Variants in CSTF1 observed in about 807,000 individuals in gnomAD.
The protein encoded by CSTF1 is CF-1 50 kDa subunit.
Under a neutral mutation model 40.9 loss-of-function variants are expected in CSTF1, and 2 were observed. The ratio of observed to expected loss-of-function variants is 0.05; its 90% CI spans 0.02 to 0.15. The LOEUF is 0.15. CSTF1 is among the 10% of genes least tolerant of loss of function. The probability of loss-of-function intolerance (pLI) is 1.00; values close to 1 mark genes in which losing one functional copy is unlikely to be tolerated. For synonymous variants in CSTF1, 218 were observed against 207.2 expected, an observed-to-expected ratio of 1.05 and a Z score of -0.45; for missense variants, 279 against 558.9, an observed-to-expected ratio of 0.50 and a Z score of 5.05.
rs1192431731 is a variant in CSTF1, at chr20:56,395,081, A to C, written c.-32-440A>C. 2.0e-5 allele frequency among the ~76,000 whole-genome samples: 3 copies of C among 152,244 alleles called. No individual in the cohort carries two copies. In the East Asian group the frequency reaches 5.8e-4, roughly 29 times the overall value. Reference sequence around the variant, plus strand: ...TAAAAGATTAGTAAACATACAGCTCAGCTAGTGGAACCAGCAGTCTAGATC... The same window carrying C: ...TAAAAGATTAGTAAACATACAGCTCCGCTAGTGGAACCAGCAGTCTAGATC... On this transcript the variant is annotated intron_variant, in intron 1 of 5. Coordinates refer to ENST00000217109, the MANE Select transcript of CSTF1 (RefSeq NM_001324.3).
Position 56,397,553 on chromosome 20 carries a change from T to G in CSTF1, c.447+69T>G. ...CATTTTTGGAAAAATGAGAGTATGGTTGAAACCAGCTTTAGTTTGCTACAG... is the reference window on the plus strand; with the variant it reads ...CATTTTTGGAAAAATGAGAGTATGGGTGAAACCAGCTTTAGTTTGCTACAG... On this transcript the variant is annotated intron_variant, in intron 3 of 5. Coordinates refer to ENST00000217109, the MANE Select transcript of CSTF1 (RefSeq NM_001324.3). The surrounding 1 kb of genome is among the most constrained non-coding windows in gnomAD (Gnocchi z 4.4). 1 of 1,600,396 alleles carries G rather than the reference T, an allele frequency of 6.2e-7. No homozygotes were observed. The highest frequency in any genetic ancestry group is 8.5e-7 in the Non-Finnish European group (1 of 1,169,986).
chr20:56,404,323 CAG>C lies in CSTF1; in HGVS notation c.*597_*598del, dbSNP rs771516386. The C allele has an allele frequency of 2.6e-5, 4 of 152,468 alleles. No homozygotes were observed. Among genetic ancestry groups the C allele is most frequent in the Non-Finnish European group, 5.9e-5 (4 of 68,168 alleles). The allele number at this position is 152,468 out of a possible 1,614,324, so 9.4% of individuals were successfully genotyped here. ...AGTTTTTCCTGACAATTTATAGGAACAGTATCTTTCAACATACTCCCTACATT... is the reference window on the plus strand; with the variant it reads ...AGTTTTTCCTGACAATTTATAGGAACTATCTTTCAACATACTCCCTACATT... On this transcript the variant is annotated 3_prime_UTR_variant, in exon 6 of 6. Transcript: ENST00000217109.
In CSTF1 at chr20:56,393,058, T is replaced by C. The variant is rs547857026; in HGVS notation, c.-33+345T>C. On this transcript the variant is annotated intron_variant, in intron 1 of 5. Coordinates refer to ENST00000217109, the MANE Select transcript of CSTF1 (RefSeq NM_001324.3). ...TGCAAATTGGGGATAATTAGGCTTC[T>C]GTTTACCTGGCGAGTGAACGTTCTG... 3.3e-5 allele frequency among the ~76,000 whole-genome samples: 5 copies of C among 152,254 alleles called. No homozygotes were observed. The South Asian group carries it at 6.2e-4, about 19-fold the overall frequency.
At chr20:56,398,714 A>G (rs1978332972) in intron 4 of CSTF1, among the ~76,000 whole-genome samples, 2 of 152,250 alleles carry the variant, frequency 1.3e-5, no homozygotes, top group African/African-American at 4.8e-5. Context: ...TAGTTTACTC[A>G]GTGTTCATTT....
At position 56,406,303 on chromosome 20, in the gene CSTF1, C is replaced by T. The variant is rs752230803; in HGVS notation, c.*2576C>T. The stretch of plus-strand genomic sequence containing the variant: ...TCTGGTCAGGATACGAACTTATACC[C>T]TCTGTGTGTTTTTTTTTTTTAAGAT... On this transcript the variant is annotated 3_prime_UTR_variant, in exon 6 of 6. Coordinates refer to ENST00000217109, the MANE Select transcript of CSTF1 (RefSeq NM_001324.3). 5.3e-5 allele frequency: 8 copies of T among 151,692 alleles called. No homozygotes were observed. Among genetic ancestry groups the T allele is most frequent in the Non-Finnish European group, 7.4e-5 (5 of 67,984 alleles). 9.4% of individuals were successfully genotyped at this position (151,692 alleles called of 1,614,324 possible). A position where few individuals can be genotyped will look rare whatever the true frequency, so the allele number is the denominator to read the frequency against.
chr20:56,402,498 T>C (rs1163099195), intron 5 of CSTF1, among the ~76,000 whole-genome samples: 1 of 152,220 alleles, frequency 6.6e-6, no homozygotes, highest in Non-Finnish European at 1.5e-5. Context: ...AAAGGCTTCC[T>C]TTTGGAAAGT....
chr20:56,393,645 T>TGGGGGCG (rs1600726846), intron 1 of CSTF1, among the ~76,000 whole-genome samples: 1 of 101,544 alleles, frequency 9.8e-6, no homozygotes, highest in African/African-American at 3.9e-5. Context: ...AATAGAGAAT[T>TGGGGGCG]GGGGGCGGGG....
At chr20:56,400,872 C>T (rs1050738920) in intron 5 of CSTF1, among the ~76,000 whole-genome samples, 5 of 152,050 alleles carry the variant, frequency 3.3e-5, no homozygotes, top group Admixed American at 2.6e-4. Flanking sequence ...AACCCCGTCT[C>T]TATGAAAAAT....
intron 5 of CSTF1, among the ~76,000 whole-genome samples, chr20:56,403,018 A>T (rs1978532644): frequency 6.6e-6 from 1 of 151,800 alleles, no homozygotes; most frequent in African/African-American, 2.4e-5. Context: ...CATCTAGTAA[A>T]AAACATGGAA....
rs1465529030 is a variant in CSTF1, at chr20:56,403,638, A to G, written c.1207A>G (p.Ile403Val). The change falls in exon 6 of 6, where the codon ATA becomes GTA. Residue 403 changes from isoleucine (I) to valine (V), a missense_variant. Ile to Val is a conservative substitution (Grantham distance 29, BLOSUM62 3). Around this residue, in one of 4 missense-constraint regions of CSTF1, gnomAD observed 162 missense variants for 337.1 expected, o/e 0.48. Transcript: ENST00000217109. Reference protein sequence around the residue: ...SLGHNNIVRCIVHSPTNPGFM... With the variant: ...SLGHNNIVRCVVHSPTNPGFM... ...GGGGCACAACAATATTGTACGCTGC[A>G]TAGTGCACTCCCCCACCAACCCCGG... The G allele has an allele frequency of 3.7e-6, 6 of 1,614,022 alleles. No homozygotes were observed. The highest frequency in any genetic ancestry group is 5.1e-6 in the Non-Finnish European group (6 of 1,180,034).
chr20:56,402,318 AAAAAG>A (rs1569119924), intron 5 of CSTF1, among the ~76,000 whole-genome samples: 3 of 151,580 alleles, frequency 2.0e-5, no homozygotes, highest in African/African-American at 4.9e-5. Context: ...AAAAAAAAAA[AAAAAG>A]AGAGAATTTA....
chr20:56,395,953 A>G (rs1051564277), intron 2 of CSTF1: 2 of 445,774 alleles, frequency 4.5e-6, no homozygotes. Context: ...CTTTGTACAC[A>G]TTATCTGGAA....
intron 5 of CSTF1, among the ~76,000 whole-genome samples, chr20:56,401,432 T>TA (rs1978448487): frequency 6.6e-6 from 1 of 152,244 alleles, no homozygotes. Context: ...CTACTATTGA[T>TA]AGAGATTTCG....
chr20:56,395,669 G>T lies in CSTF1; in HGVS notation c.117G>T (p.Lys39Asn), dbSNP rs1249812383. ...SIANGLINEI[K>N]PQSVCAPSEQ... Reference sequence around the variant, plus strand: ...CCAATGGCCTCATCAATGAAATCAAGCCTCAGTCTGTGTGTGCACCCTCGG... The same window carrying T: ...CCAATGGCCTCATCAATGAAATCAATCCTCAGTCTGTGTGTGCACCCTCGG... Residue 39 changes from lysine (K) to asparagine (N), a missense_variant, in exon 2 of 6, where the codon AAG becomes AAT. This residue lies in a region of CSTF1 where 51 missense variants were observed against 55.0 expected (regional missense o/e 0.93). Transcript: ENST00000217109. 3.1e-6 allele frequency: 5 copies of T among 1,614,144 alleles called. No homozygotes were observed. The highest frequency in any genetic ancestry group is 4.2e-6 in the Non-Finnish European group (5 of 1,180,016).
chr20:56,398,891 C>T (rs998920020), intron 4 of CSTF1, 76 bp from the exon 5 acceptor site: 1 of 1,318,490 alleles, frequency 7.6e-7, no homozygotes, highest in Non-Finnish European at 1.0e-6. Flanking sequence ...TTTCATCAGC[C>T]AGATATTTTC....
intron 1 of CSTF1, among the ~76,000 whole-genome samples, chr20:56,394,846 G>GT (rs11478528): frequency 1.0e-4 from 15 of 150,382 alleles, no homozygotes; most frequent in South Asian, 8.4e-4. Flanking sequence ...GATTATTACT[G>GT]TTTTTTTTTT....
In CSTF1 at chr20:56,399,638, A is replaced by G. The variant is rs979300501; in HGVS notation, c.1036+281A>G. Among the ~76,000 whole-genome samples, 10 of 152,354 alleles carry G rather than the reference A, an allele frequency of 6.6e-5. No homozygotes were observed. Among genetic ancestry groups the G allele is most frequent in the African/African-American group, 2.4e-4 (10 of 41,588 alleles). On this transcript the variant is annotated intron_variant, in intron 5 of 5. Coordinates refer to ENST00000217109, the MANE Select transcript of CSTF1 (RefSeq NM_001324.3). The surrounding 1 kb of genome is among the most constrained non-coding windows in gnomAD (Gnocchi z 4.6). ...GTAACATTTGAGAACCTGGTGATCC[A>G]TTTGTAGACTGGCATGCCCTCTTCC...
chr20:56,393,381 G>A (rs78035975), intron 1 of CSTF1, among the ~76,000 whole-genome samples: 2,504 of 152,112 alleles, frequency 0.016, 79 homozygotes, highest in African/African-American at 0.058. Flanking sequence ...CTAGCATACG[G>A]AAATTATTCG....
rs1978340992 is a variant in CSTF1 at position 56,398,986 on chromosome 20, C to G, written c.665C>G (p.Ser222Cys). Residue 222 changes from serine to cysteine, a missense_variant, in exon 5 of 6, where the codon TCC becomes TGC. Transcript: ENST00000217109. ...KYIQEAEMLR[S>C]ISFHPSGDFI... ...CAACAGGAAGCTGAAATGTTACGTTCCATCTCTTTTCATCCTTCTGGAGAC... is the reference window on the plus strand; with the variant it reads ...CAACAGGAAGCTGAAATGTTACGTTGCATCTCTTTTCATCCTTCTGGAGAC... The G allele has an allele frequency of 6.2e-7, 1 of 1,610,116 alleles. No homozygotes were observed. Among genetic ancestry groups the G allele is most frequent in the South Asian group, 1.1e-5 (1 of 90,542 alleles).
Sources: gnomAD v4.1 joint callset for allele counts (sites outside exome capture counted in the v4.1 genomes callset) on GRCh38, gnomAD v4.1.1 for gene constraint, gnomAD v4.1.1 regional missense constraint, Gnocchi (gnomAD v3.1) non-coding constraint, MANE v1.5 for transcripts, NCBI Gene and HGNC (gene_info 2026-07-23, HGNC 2026-07-21) for gene names.